The following ADAM12 variants were observed in gnomAD, a reference collection of about 807,000 sequenced individuals.
The protein encoded by ADAM12 is ADAM metallopeptidase domain 12.
In ADAM12, 70 loss-of-function variants were observed where a neutral mutation model predicts 106.4. That is an observed-to-expected ratio of 0.66 (90% CI 0.54 to 0.80). The LOEUF (loss-of-function observed/expected upper bound fraction) is 0.80. Among genes scored for constraint, ADAM12 ranks in the 30% least tolerant of loss-of-function variants. ADAM12 has a pLI of 0.00. For missense variants in ADAM12, 1,010 were observed against 1,171.9 expected (o/e 0.86, Z 2.02); for synonymous variants, 420 against 433.5 (o/e 0.97, Z 0.39).
chr10:126,253,234 T>C (rs575990685), intron 3 of ADAM12, among the ~76,000 whole-genome samples: 5 of 152,334 alleles, frequency 3.3e-5, no homozygotes, highest in South Asian at 4.1e-4. Context: ...CTGCAATTTT[T>C]TTTTTTAAGA....
Position 126,071,542 on chromosome 10 carries a change from C to G in ADAM12, c.1258G>C (p.Gly420Arg), listed in dbSNP as rs778668035. 5.0e-6 allele frequency: 8 copies of G among 1,614,044 alleles called. No homozygotes were observed. Among genetic ancestry groups the G allele is most frequent in the South Asian group, 1.1e-5 (1 of 91,076 alleles). The change falls in exon 12 of 23, where the codon GGG becomes CGG. Residue 420 changes from glycine (G) to arginine (R), a missense_variant. This residue lies in a region of ADAM12 where 615 missense variants were observed against 708.5 expected (regional missense o/e 0.87). Transcript: ENST00000448723. The part of the protein sequence containing the change: ...FNLPEVRESF[G>R]GQKCGNRFVE... ...AATCTGTTCCCACACTTCTGGCCCC[C>G]GAAAGACTCCCTGACTTCCGGCAGG...
intron 11 of ADAM12, among the ~76,000 whole-genome samples, chr10:126,087,962 G>A (rs181542156): frequency 3.6e-4 from 55 of 152,290 alleles, no homozygotes; most frequent in African/African-American, 9.6e-4. Context: ...TAATTCTTCC[G>A]AGATCGGTTT....
chr10:126,169,117 G>A (rs1229913187), intron 3 of ADAM12, among the ~76,000 whole-genome samples: 1 of 152,082 alleles, frequency 6.6e-6, no homozygotes, highest in Non-Finnish European at 1.5e-5. Flanking sequence ...CCCTCTACCT[G>A]CTCAATTCAT....
At chr10:126,360,629 A>G (rs566436912) in intron 1 of ADAM12, among the ~76,000 whole-genome samples, 1 of 152,310 alleles carries the variant, frequency 6.6e-6, no homozygotes, top group South Asian at 2.1e-4. Flanking sequence ...TTCATTGTCC[A>G]TATCACTATC....
chr10:126,375,246 A>G (rs147222323), intron 1 of ADAM12, among the ~76,000 whole-genome samples: 198 of 149,028 alleles, frequency 1.3e-3, no homozygotes, highest in African/African-American at 4.7e-3. Flanking sequence ...GCAAGAAGCC[A>G]TGGTTAAAAA....
intron 14 of ADAM12, among the ~76,000 whole-genome samples, chr10:126,054,760 A>G (rs1458136271): frequency 6.6e-6 from 1 of 152,166 alleles, no homozygotes; most frequent in Non-Finnish European, 1.5e-5. Flanking sequence ...GAGGTGCATC[A>G]GTGTGTAGAG....
chr10:126,078,471 A>T (rs1955146277), intron 11 of ADAM12, among the ~76,000 whole-genome samples: 2 of 152,060 alleles, frequency 1.3e-5, no homozygotes, highest in East Asian at 3.9e-4. Context: ...ACCCCCAGAA[A>T]CATATCTTTT....
At chr10:126,031,750 A>C (rs544628031) in intron 21 of ADAM12, among the ~76,000 whole-genome samples, 67 of 152,184 alleles carry the variant, frequency 4.4e-4, no homozygotes, top group Non-Finnish European at 7.3e-4. Flanking sequence ...AGACAGATAA[A>C]AGTTGTTGAT....
intron 11 of ADAM12, among the ~76,000 whole-genome samples, chr10:126,074,864 C>T (rs922329911): frequency 1.3e-5 from 2 of 152,310 alleles, no homozygotes; most frequent in African/African-American, 4.8e-5. Context: ...TTTCTCAGGG[C>T]TCCTTTCCAC....
intron 10 of ADAM12, among the ~76,000 whole-genome samples, chr10:126,096,274 T>C (rs148744304): frequency 1.3e-5 from 2 of 152,378 alleles, no homozygotes; most frequent in African/African-American, 4.8e-5. Context: ...TGTCATTGAA[T>C]GTCTTGGTTT....
At chr10:126,291,729 C>A (rs942196440) in intron 2 of ADAM12, among the ~76,000 whole-genome samples, 26 of 152,048 alleles carry the variant, frequency 1.7e-4, no homozygotes, top group African/African-American at 6.0e-4. Context: ...AAGCCCAGGG[C>A]TCGGGGGGTG....
intron 3 of ADAM12, among the ~76,000 whole-genome samples, chr10:126,265,735 T>G (rs1959085284): frequency 6.6e-6 from 1 of 152,182 alleles, no homozygotes; most frequent in African/African-American, 2.4e-5. Context: ...TATAAAAATC[T>G]GGTTTCATTT....
intron 3 of ADAM12, among the ~76,000 whole-genome samples, chr10:126,240,791 G>A (rs539952068): frequency 2.0e-4 from 31 of 152,332 alleles, no homozygotes; most frequent in South Asian, 6.2e-4. Context: ...AGGGCACGCC[G>A]GCCTGGAAGG....
chr10:126,243,640 TA>T (rs1958574796), intron 3 of ADAM12, among the ~76,000 whole-genome samples: 1 of 152,204 alleles, frequency 6.6e-6, no homozygotes, highest in Non-Finnish European at 1.5e-5. Context: ...TGACTTCTTT[TA>T]GGGGGATAAA....
chr10:126,124,947 C>T (rs915227838), intron 5 of ADAM12, among the ~76,000 whole-genome samples: 2 of 147,898 alleles, frequency 1.4e-5, no homozygotes, highest in African/African-American at 5.0e-5. Context: ...ATTACCAGCA[C>T]ATCAATAATA....
At chr10:126,019,959 T>A in intron 21 of ADAM12, 134 bp from the exon 22 acceptor site, 1 of 1,107,872 alleles carries the variant, frequency 9.0e-7, no homozygotes, top group African/African-American at 1.6e-5. Context: ...GGGTGGAGGC[T>A]GACCTCTGTT....
intron 3 of ADAM12, among the ~76,000 whole-genome samples, chr10:126,240,819 C>T (rs981996563): frequency 6.6e-6 from 1 of 152,230 alleles, no homozygotes; most frequent in African/African-American, 2.4e-5. Context: ...CAGGAGACGC[C>T]GGGTCCTTCT....
At chr10:126,198,544 C>T (rs535618610) in intron 3 of ADAM12, among the ~76,000 whole-genome samples, 3 of 152,278 alleles carry the variant, frequency 2.0e-5, no homozygotes, top group African/African-American at 4.8e-5. Context: ...GCCTTTAGCT[C>T]GTGTGAATCC....
At chr10:126,156,906 A>C (rs1322514827) in intron 3 of ADAM12, among the ~76,000 whole-genome samples, 1 of 152,238 alleles carries the variant, frequency 6.6e-6, no homozygotes, top group African/African-American at 2.4e-5. Flanking sequence ...TGTCTGGACA[A>C]CAGGGAGTCA....
Sources: allele counts gnomAD v4.1 joint callset (sites outside exome capture counted in the v4.1 genomes callset), GRCh38; gene constraint gnomAD v4.1.1; regional missense constraint gnomAD v4.1.1; transcripts MANE v1.5; gene names NCBI Gene and HGNC (gene_info 2026-07-23, HGNC 2026-07-21).